Variants in FAM167A observed in about 807,000 individuals in gnomAD.
FAM167A encodes the protein family with sequence similarity 167 member A, also known as protein FAM167A.
In FAM167A, 23 loss-of-function variants were observed where a neutral mutation model predicts 14.9. That is an observed-to-expected ratio of 1.55 (90% CI 1.11 to 2.19). The LOEUF (loss-of-function observed/expected upper bound fraction) is 2.19, where lower values mean the gene tolerates loss of function less well. FAM167A is among the 30% of genes most tolerant of loss of function. FAM167A has a pLI of 0.00. For missense variants in FAM167A, 401 were observed against 281.5 expected, an observed-to-expected ratio of 1.42 and a Z score of -3.04; for synonymous variants, 174 against 117.7, an observed-to-expected ratio of 1.48 and a Z score of -3.10.
chr8:11,475,381 G>C (rs1176831210), intron 1 of FAM167A, among the ~76,000 whole-genome samples: 1 of 152,154 alleles, frequency 6.6e-6, no homozygotes, highest in Non-Finnish European at 1.5e-5. Flanking sequence ...ATACTTTAGA[G>C]TGTCTGCATA....
At chr8:11,469,709 A>G (rs978704354), upstream of FAM167A, among the ~76,000 whole-genome samples, 2 of 151,884 alleles carry the variant, frequency 1.3e-5, no homozygotes, top group Non-Finnish European at 2.9e-5. Context: ...TCTACAAAAA[A>G]AAAATGAAGA....
In FAM167A at chr8:11,422,894, A is replaced by G. The variant is rs552510548; in HGVS notation, c.*1479T>C. ...CTCCACCTTGACCCAAATGTTCTGA[A>G]TTGCAATACTCTGGGAGATGTGGGT... On this transcript the variant is annotated 3_prime_UTR_variant, in exon 3 of 3. Transcript: ENST00000284486. 1 of 152,712 alleles carries G rather than the reference A, an allele frequency of 6.5e-6. No individual in the cohort carries two copies. Among genetic ancestry groups the G allele is most frequent in the South Asian group, 2.1e-4 (1 of 4,812 alleles). 9.5% of individuals were successfully genotyped at this position (152,712 alleles called of 1,614,324 possible).
At chr8:11,452,611 G>A (rs377431627) in intron 1 of FAM167A, among the ~76,000 whole-genome samples, 40 of 152,308 alleles carry the variant, frequency 2.6e-4, no homozygotes, top group African/African-American at 9.4e-4. Context: ...CCACGAGGTT[G>A]CCTCGGGTCT....
chr8:11,433,608 C>T (rs149495884), intron 2 of FAM167A, among the ~76,000 whole-genome samples: 24 of 152,274 alleles, frequency 1.6e-4, no homozygotes, highest in African/African-American at 4.8e-4. Context: ...CGAAAGAGTG[C>T]GTGTCCTGGA....
chr8:11,467,915 C>T (rs1050558002), upstream of FAM167A, among the ~76,000 whole-genome samples: 3 of 152,250 alleles, frequency 2.0e-5, no homozygotes, highest in African/African-American at 4.8e-5. Flanking sequence ...CCTAAGCTAG[C>T]GGGTGTATTA....
upstream of FAM167A, among the ~76,000 whole-genome samples, chr8:11,471,701 C>A (rs1172847287): frequency 2.0e-5 from 3 of 152,222 alleles, no homozygotes; most frequent in Non-Finnish European, 2.9e-5. Context: ...CCCTGCCCTG[C>A]GCTTTCTCCA....
chr8:11,459,939 G>C (rs1384555610), intron 1 of FAM167A, among the ~76,000 whole-genome samples: 1 of 152,194 alleles, frequency 6.6e-6, no homozygotes, highest in Non-Finnish European at 1.5e-5. Flanking sequence ...TATTGGCCAG[G>C]CTGGTCTTGA....
chr8:11,430,281 C>A (rs1485831793), intron 2 of FAM167A, among the ~76,000 whole-genome samples: 2 of 152,186 alleles, frequency 1.3e-5, no homozygotes, highest in African/African-American at 4.8e-5. Context: ...GGGGGCTGTC[C>A]AAGCACTGTG....
At chr8:11,467,193 C>G (rs1323974936), upstream of FAM167A, among the ~76,000 whole-genome samples, 2 of 152,230 alleles carry the variant, frequency 1.3e-5, no homozygotes, top group Non-Finnish European at 2.9e-5. Flanking sequence ...GCCACGCCCC[C>G]CAACGACCCA....
At chr8:11,432,979 C>T (rs143337659) in intron 2 of FAM167A, among the ~76,000 whole-genome samples, 8 of 152,214 alleles carry the variant, frequency 5.3e-5, no homozygotes, top group East Asian at 1.9e-4. Flanking sequence ...AAACCAAACA[C>T]GGCATGTTCT....
At chr8:11,458,209 G>A (rs1179972810) in intron 1 of FAM167A, among the ~76,000 whole-genome samples, 6 of 152,146 alleles carry the variant, frequency 3.9e-5, no homozygotes, top group African/African-American at 1.4e-4. Context: ...TCATCCTTCC[G>A]CGATAGCCTT....
chr8:11,432,617 A>G (rs1366064233), intron 2 of FAM167A, among the ~76,000 whole-genome samples: 1 of 152,198 alleles, frequency 6.6e-6, no homozygotes, highest in Non-Finnish European at 1.5e-5. Context: ...CACTGTTGGG[A>G]GTGAAAATTA....
At chr8:11,462,638 C>T (rs888022031) in intron 1 of FAM167A, among the ~76,000 whole-genome samples, 1 of 152,202 alleles carries the variant, frequency 6.6e-6, no homozygotes, top group Admixed American at 6.5e-5. Context: ...CTTCTGCTTC[C>T]TTGGTAGGGT....
chr8:11,475,581 C>A (rs1797850934), intron 1 of FAM167A, among the ~76,000 whole-genome samples: 1 of 152,196 alleles, frequency 6.6e-6, no homozygotes, highest in African/African-American at 2.4e-5. Flanking sequence ...CCTTCTGAAC[C>A]TCCTGCAAAA....
chr8:11,463,817 G>A (rs1355698601), intron 1 of FAM167A, among the ~76,000 whole-genome samples: 2 of 152,206 alleles, frequency 1.3e-5, no homozygotes, highest in East Asian at 1.9e-4. Context: ...CCGCTGGGGA[G>A]GAGGATCACA....
chr8:11,472,284 T>C (rs1386598986), upstream of FAM167A, among the ~76,000 whole-genome samples: 2 of 152,108 alleles, frequency 1.3e-5, no homozygotes, highest in Non-Finnish European at 2.9e-5. Context: ...GTTTGTGGAG[T>C]TTGCTGTTTT....
In FAM167A at chr8:11,432,858, A is replaced by G. The variant is rs185335769; in HGVS notation, c.382-8222T>C. Among the ~76,000 whole-genome samples, 616 of 152,360 alleles carry G rather than the reference A, an allele frequency of 4.0e-3. 3 individuals are homozygous for G. The highest frequency in any genetic ancestry group is 0.014 in the African/African-American group (576 of 41,564). Reference sequence around the variant, plus strand: ...ACTGGATTAAGAAAATGTGGCACAGATACACCATGGAATACTATGCAGCCA... The same window carrying G: ...ACTGGATTAAGAAAATGTGGCACAGGTACACCATGGAATACTATGCAGCCA... On this transcript the variant is annotated intron_variant, in intron 2 of 2. Transcript: ENST00000284486.
At chr8:11,437,420 C>T (rs889311920) in intron 2 of FAM167A, among the ~76,000 whole-genome samples, 12 of 152,190 alleles carry the variant, frequency 7.9e-5, no homozygotes, top group African/African-American at 2.9e-4. Context: ...CCTCCCTGCT[C>T]AACGCGCTGC....
At chr8:11,448,475 G>A (rs74356928) in intron 1 of FAM167A, among the ~76,000 whole-genome samples, 1,978 of 152,264 alleles carry the variant, frequency 0.013, 41 homozygotes, top group African/African-American at 0.045. Context: ...TTATATCACC[G>A]TCACATGACA....
Sources: gnomAD v4.1 joint callset for allele counts (sites outside exome capture counted in the v4.1 genomes callset) on GRCh38, gnomAD v4.1.1 for gene constraint, MANE v1.5 for transcripts, NCBI Gene and HGNC (gene_info 2026-07-23, HGNC 2026-07-21) for gene names.